GALNT14: variants seen among roughly 807,000 people sequenced by gnomAD.
GALNT14 encodes the protein UDP-GalNAc:polypeptide N-acetylgalactosaminyltransferase 14.
A neutral mutation model predicts 77.5 loss-of-function variants in GALNT14; 60 were observed. The ratio of observed to expected loss-of-function variants is 0.77; its 90% confidence interval spans 0.63 to 0.96. The LOEUF is 0.96. Among genes scored for constraint, GALNT14 ranks in the 40% least tolerant of loss-of-function variants. The pLI is 0.00. For missense variants in GALNT14, 710 were observed against 731.0 expected (o/e 0.97, Z 0.33); for synonymous variants, 280 against 281.7 (o/e 0.99, Z 0.06).
At chr2:31,132,122 A>T (rs1159801347) in intron 1 of GALNT14, among the ~76,000 whole-genome samples, 1 of 152,066 alleles carries the variant, frequency 6.6e-6, no homozygotes, top group Non-Finnish European at 1.5e-5. Flanking sequence ...CCTGGGGGAG[A>T]GAGTGGGCTA....
intron 2 of GALNT14, among the ~76,000 whole-genome samples, chr2:30,971,568 C>T (rs1453177687): frequency 6.6e-6 from 1 of 152,178 alleles, no homozygotes; most frequent in Non-Finnish European, 1.5e-5. Context: ...TGAAGACTCT[C>T]AATTTTCCCC....
At chr2:31,130,462 A>AAGAAGAAT (rs1344440716) in intron 1 of GALNT14, among the ~76,000 whole-genome samples, 6 of 152,152 alleles carry the variant, frequency 3.9e-5, no homozygotes, top group Non-Finnish European at 8.8e-5. Flanking sequence ...CAGGGGACAG[A>AAGAAGAAT]AGAAGAATGT....
chr2:31,129,671 C>T (rs570161530), intron 1 of GALNT14: 10 of 984,806 alleles, frequency 1.0e-5, no homozygotes, highest in East Asian at 1.1e-4. Context: ...GTTGCAGCTG[C>T]GAGAGATGGG....
intron 14 of GALNT14, among the ~76,000 whole-genome samples, chr2:30,911,848 GACAT>G (rs1664382129): frequency 6.6e-6 from 1 of 152,176 alleles, no homozygotes; most frequent in Admixed American, 6.5e-5. Flanking sequence ...AAGTTTGGGG[GACAT>G]ACTGCCAGAG....
At chr2:31,044,589 G>A (rs113793458) in intron 1 of GALNT14, among the ~76,000 whole-genome samples, 2,452 of 152,232 alleles carry the variant, frequency 0.016, 72 homozygotes, top group African/African-American at 0.054. Context: ...GGCTACACTT[G>A]ATCCCAAGTG....
At chr2:30,940,629 C>A (rs1004267939) in intron 9 of GALNT14, among the ~76,000 whole-genome samples, 1 of 152,160 alleles carries the variant, frequency 6.6e-6, no homozygotes, top group Non-Finnish European at 1.5e-5. Flanking sequence ...AAGGCTGGAA[C>A]AAATCACTAA....
intron 1 of GALNT14, among the ~76,000 whole-genome samples, chr2:31,075,449 A>T (rs1472937854): frequency 6.6e-6 from 1 of 152,182 alleles, no homozygotes; most frequent in Non-Finnish European, 1.5e-5. Context: ...TTGTTGATTG[A>T]TCTGGAAGCA....
the GALNT14 span, among the ~76,000 whole-genome samples, chr2:30,891,115 G>A: frequency 6.6e-6 from 1 of 152,160 alleles, no homozygotes; most frequent in Non-Finnish European, 1.5e-5. Flanking sequence ...GGACATATGG[G>A]CTACAATATT....
chr2:30,995,698 C>A lies in GALNT14; in HGVS notation c.130-2691G>T, dbSNP rs116675905. ...TATTTTTTGTGGAGACGGGATCTCA[C>A]TATGTTGCCTAGGCTGGTCTCGCAC... is the stretch of plus-strand genomic sequence containing the variant. On this transcript the variant is annotated intron_variant, in intron 1 of 14. Coordinates refer to ENST00000349752, the MANE Select transcript of GALNT14 (RefSeq NM_024572.4). 7.9e-3 allele frequency among the ~76,000 whole-genome samples: 1,196 copies of A among 152,234 alleles called. 19 individuals carry two copies. Among genetic ancestry groups the A allele is most frequent in the African/African-American group, 0.027 (1,131 of 41,542 alleles).
chr2:30,904,000 G>T, the GALNT14 span, among the ~76,000 whole-genome samples: 2 of 152,192 alleles, frequency 1.3e-5, no homozygotes, highest in East Asian at 3.8e-4. Context: ...AAAGGCCACA[G>T]GCCATAAAGC....
intron 1 of GALNT14, among the ~76,000 whole-genome samples, chr2:31,082,796 G>A (rs764990089): frequency 1.3e-5 from 2 of 152,108 alleles, no homozygotes; most frequent in African/African-American, 2.4e-5. Flanking sequence ...GAGGTGGGTG[G>A]ATCATGAGGT....
chr2:31,040,089 T>G (rs1387201231), intron 1 of GALNT14, among the ~76,000 whole-genome samples: 1 of 152,164 alleles, frequency 6.6e-6, no homozygotes, highest in Non-Finnish European at 1.5e-5. Context: ...TATCCACACT[T>G]TTTCTTGGAA....
At chr2:30,992,169 T>A (rs116366946) in intron 2 of GALNT14, among the ~76,000 whole-genome samples, 4,784 of 152,174 alleles carry the variant, frequency 0.031, 247 homozygotes, top group African/African-American at 0.1. Flanking sequence ...TATGACTCTA[T>A]AAAGGGTCGG....
At chr2:31,012,237 A>T (rs1224457322) in intron 1 of GALNT14, among the ~76,000 whole-genome samples, 1 of 152,178 alleles carries the variant, frequency 6.6e-6, no homozygotes, top group Non-Finnish European at 1.5e-5. Context: ...CGTGGTCTGC[A>T]AGTACTGCCC....
chr2:31,134,882 G>T (rs961037897), intron 1 of GALNT14, among the ~76,000 whole-genome samples: 2 of 152,210 alleles, frequency 1.3e-5, no homozygotes, highest in African/African-American at 4.8e-5. Flanking sequence ...GGACAGCTTG[G>T]TTAGCTTGGG....
chr2:30,975,848 C>T (rs1668595756), intron 2 of GALNT14, among the ~76,000 whole-genome samples: 1 of 151,946 alleles, frequency 6.6e-6, no homozygotes, highest in Admixed American at 6.6e-5. Flanking sequence ...TTTTAAAATC[C>T]CATCATTTAC....
intron 2 of GALNT14, among the ~76,000 whole-genome samples, chr2:30,969,280 C>T (rs1270736573): frequency 1.3e-5 from 2 of 152,312 alleles, no homozygotes; most frequent in East Asian, 1.9e-4. Flanking sequence ...GTGGTCCCTG[C>T]TATGGGGAAA....
chr2:31,019,468 A>G (rs375947671), intron 1 of GALNT14, among the ~76,000 whole-genome samples: 41 of 152,206 alleles, frequency 2.7e-4, no homozygotes, highest in African/African-American at 9.4e-4. Context: ...CTCTTATCTA[A>G]TGACCACTCT....
chr2:31,053,531 G>A (rs866065335), intron 1 of GALNT14, among the ~76,000 whole-genome samples: 3 of 150,474 alleles, frequency 2.0e-5, no homozygotes, highest in Middle Eastern at 6.8e-3. Flanking sequence ...TTTTGATCAA[G>A]ACCACTCTTC....
Sources: allele counts gnomAD v4.1 joint callset (sites outside exome capture counted in the v4.1 genomes callset), GRCh38; gene constraint gnomAD v4.1.1; transcripts MANE v1.5; gene names NCBI Gene and HGNC (gene_info 2026-07-23, HGNC 2026-07-21).